CALD1: variants seen among roughly 807,000 people sequenced by gnomAD.
CALD1 encodes the protein caldesmon.
CALD1 carries 33 observed loss-of-function variants against 99.9 expected under a neutral mutation model. The observed-to-expected ratio is 0.33, with a 90% confidence interval of 0.25 to 0.44. The LOEUF is 0.44. CALD1 is among the 20% of genes least tolerant of loss of function. CALD1 has a pLI of 1.00. For missense variants in CALD1, 861 were observed against 962.1 expected, an observed-to-expected ratio of 0.89 and a Z score of 1.39; for synonymous variants, 310 against 325.0, an observed-to-expected ratio of 0.95 and a Z score of 0.50.
At chr7:134,796,419 T>G (rs1797746401) in intron 1 of CALD1, among the ~76,000 whole-genome samples, 1 of 152,172 alleles carries the variant, frequency 6.6e-6, no homozygotes, top group African/African-American at 2.4e-5. Context: ...AGACTTTTCC[T>G]GGTTGGTTTT....
At chr7:134,714,675 T>G in the CALD1 span, among the ~76,000 whole-genome samples, 1 of 152,208 alleles carries the variant, frequency 6.6e-6, no homozygotes, top group Non-Finnish European at 1.5e-5. Context: ...AGGAGCAGCA[T>G]ATGGGCTGTT....
intron 1 of CALD1, among the ~76,000 whole-genome samples, chr7:134,815,211 C>T (rs1798514114): frequency 2.0e-5 from 3 of 151,970 alleles, no homozygotes; most frequent in East Asian, 1.9e-4. Context: ...TGGGTTAGAA[C>T]CCAACACACA....
At chr7:134,833,436 G>A (rs1799311117) in intron 1 of CALD1, among the ~76,000 whole-genome samples, 1 of 152,180 alleles carries the variant, frequency 6.6e-6, no homozygotes, top group African/African-American at 2.4e-5. Context: ...GGCCACGTAA[G>A]ACTGAAGTTT....
chr7:134,940,518 G>C (rs370832728), intron 6 of CALD1, among the ~76,000 whole-genome samples: 19 of 152,226 alleles, frequency 1.2e-4, no homozygotes, highest in African/African-American at 4.6e-4. Flanking sequence ...CATATCTTTG[G>C]ATCCTCCTAC....
At chr7:134,927,981 T>C (rs966030489) in intron 3 of CALD1, 11 of 115,546 alleles carry the variant, frequency 9.5e-5, no homozygotes, top group Non-Finnish European at 1.9e-4. Flanking sequence ...ATTTTAATAA[T>C]TTTGGCTTAT....
chr7:134,759,373 G>C (rs2131590190), intron 1 of CALD1, among the ~76,000 whole-genome samples: 1 of 152,180 alleles, frequency 6.6e-6, no homozygotes, highest in East Asian at 1.9e-4. Flanking sequence ...TCACTGTGTG[G>C]GGGCTAGGAG....
chr7:134,851,072 G>C (rs1273571385), intron 2 of CALD1, among the ~76,000 whole-genome samples: 1 of 152,164 alleles, frequency 6.6e-6, no homozygotes, highest in Non-Finnish European at 1.5e-5. Context: ...CCCAGTCTCA[G>C]GTATGTCTTT....
At chr7:134,967,649 T>C (rs1808776550) in intron 14 of CALD1, among the ~76,000 whole-genome samples, 1 of 152,190 alleles carries the variant, frequency 6.6e-6, no homozygotes, top group Non-Finnish European at 1.5e-5. Context: ...CACTGAGCTA[T>C]TCAGTCGCAT....
chr7:134,918,327 T>A (rs964082522), intron 3 of CALD1, among the ~76,000 whole-genome samples: 5 of 152,190 alleles, frequency 3.3e-5, no homozygotes, highest in Non-Finnish European at 7.4e-5. Context: ...CAAATTATAA[T>A]CTCAAGAAAT....
the CALD1 span, among the ~76,000 whole-genome samples, chr7:134,715,899 C>A: frequency 2.6e-5 from 4 of 152,142 alleles, no homozygotes; most frequent in African/African-American, 9.7e-5. Context: ...GTACTTCATG[C>A]AGTAAAAATT....
At chr7:134,856,053 C>T (rs1008070053) in intron 2 of CALD1, among the ~76,000 whole-genome samples, 1 of 152,218 alleles carries the variant, frequency 6.6e-6, no homozygotes, top group African/African-American at 2.4e-5. Flanking sequence ...GGAACTCTAA[C>T]ATCAGCTGCT....
intron 3 of CALD1, among the ~76,000 whole-genome samples, chr7:134,873,766 C>T (rs1320656536): frequency 1.3e-5 from 2 of 152,198 alleles, no homozygotes; most frequent in African/African-American, 4.8e-5. Flanking sequence ...ATTTTGTATC[C>T]TCCCTTACAA....
intron 3 of CALD1, among the ~76,000 whole-genome samples, chr7:134,876,876 C>T (rs1035772395): frequency 6.6e-5 from 10 of 152,098 alleles, no homozygotes; most frequent in African/African-American, 2.2e-4. Context: ...TCACTACTAT[C>T]TTTGGGGAGG....
chr7:134,717,060 G>A, the CALD1 span, among the ~76,000 whole-genome samples: 4 of 151,938 alleles, frequency 2.6e-5, no homozygotes, highest in Non-Finnish European at 4.4e-5. Flanking sequence ...TTTTTAGGAC[G>A]GTATATTTTT....
At chr7:134,857,360 G>C (rs1366991632) in intron 2 of CALD1, among the ~76,000 whole-genome samples, 1 of 151,544 alleles carries the variant, frequency 6.6e-6, no homozygotes, top group Non-Finnish European at 1.5e-5. Context: ...TAGTAGAGAC[G>C]GGGTTTCACC....
At chr7:134,847,027 G>A (rs755769196) in intron 2 of CALD1, among the ~76,000 whole-genome samples, 4 of 152,316 alleles carry the variant, frequency 2.6e-5, no homozygotes, top group African/African-American at 4.8e-5. Context: ...GGTGCCTCCC[G>A]ACTGTGTTTC....
At chr7:134,790,632 A>T (rs1797490850) in intron 1 of CALD1, among the ~76,000 whole-genome samples, 1 of 152,188 alleles carries the variant, frequency 6.6e-6, no homozygotes, top group South Asian at 2.1e-4. Flanking sequence ...TTGACTGGAG[A>T]GGTTGCTCAA....
intron 3 of CALD1, among the ~76,000 whole-genome samples, chr7:134,894,116 C>T (rs1212465319): frequency 6.6e-6 from 1 of 152,144 alleles, no homozygotes. Context: ...GAAGTTTTAA[C>T]AGCTCTCTAG....
intron 3 of CALD1, among the ~76,000 whole-genome samples, chr7:134,928,351 C>T (rs1353792944): frequency 2.7e-5 from 4 of 147,560 alleles, no homozygotes; most frequent in Non-Finnish European, 4.4e-5. Context: ...ATCACTTGAT[C>T]CCAGGAGGTG....
Sources: gnomAD v4.1 joint callset for allele counts (sites outside exome capture counted in the v4.1 genomes callset) on GRCh38, gnomAD v4.1.1 for gene constraint, MANE v1.5 for transcripts, NCBI Gene and HGNC (gene_info 2026-07-23, HGNC 2026-07-21) for gene names.